Variants in OSBPL1A observed in about 807,000 individuals in gnomAD.
OSBPL1A encodes oxysterol binding protein like 1A.
A neutral mutation model predicts 137.1 loss-of-function variants in OSBPL1A; 80 were observed. That is an observed-to-expected ratio of 0.58 (90% confidence interval 0.49 to 0.70). The LOEUF is 0.70. Among genes scored for constraint, OSBPL1A ranks in the 30% least tolerant of loss-of-function variants. The pLI, the probability that OSBPL1A is intolerant of heterozygous loss-of-function variation, is 0.00. For missense variants in OSBPL1A, 970 were observed against 1,129.4 expected, an observed-to-expected ratio of 0.86 and a Z score of 2.02; for synonymous variants, 365 against 389.7, an observed-to-expected ratio of 0.94 and a Z score of 0.75.
At chr18:24,266,083 C>T (rs1285320508) in intron 15 of OSBPL1A, among the ~76,000 whole-genome samples, 1 of 152,200 alleles carries the variant, frequency 6.6e-6, no homozygotes, top group African/African-American at 2.4e-5. Context: ...GTTAACGACT[C>T]CGTGTTAGAC....
intron 3 of OSBPL1A, 77 bp downstream of exon 3, chr18:24,368,210 T>G (rs1905310863): frequency 8.4e-7 from 1 of 1,189,300 alleles, no homozygotes; most frequent in Admixed American, 2.0e-5. Flanking sequence ...CAGGTGGCTT[T>G]TCTAAGACTT....
intron 16 of OSBPL1A, among the ~76,000 whole-genome samples, chr18:24,234,441 GA>G (rs1353480524): frequency 2.6e-5 from 4 of 152,070 alleles, no homozygotes; most frequent in Non-Finnish European, 4.4e-5. Context: ...AATTTGTGGG[GA>G]AAAAAATCTG....
At chr18:24,202,052 C>A (rs1413080926) in intron 17 of OSBPL1A, among the ~76,000 whole-genome samples, 4 of 152,126 alleles carry the variant, frequency 2.6e-5, no homozygotes, top group Non-Finnish European at 5.9e-5. Flanking sequence ...CACATGAGCT[C>A]TTCTGGGTCT....
chr18:24,245,854 C>T (rs1159081141), intron 15 of OSBPL1A, among the ~76,000 whole-genome samples: 1 of 152,138 alleles, frequency 6.6e-6, no homozygotes, highest in African/African-American at 2.4e-5. Context: ...AATTGATTTC[C>T]CTATGCTCCT....
chr18:24,377,613 G>C (rs1599732954), intron 1 of OSBPL1A, 78 bp from the exon 2 acceptor site: 1 of 1,370,876 alleles, frequency 7.3e-7, no homozygotes, highest in East Asian at 2.5e-5. Context: ...AATACAGAAA[G>C]GGGAAAGAAT....
At chr18:24,373,148 A>G (rs951897708) in intron 2 of OSBPL1A, among the ~76,000 whole-genome samples, 13 of 152,232 alleles carry the variant, frequency 8.5e-5, no homozygotes, top group Admixed American at 6.5e-5. Flanking sequence ...ACTTATAGGT[A>G]TCTTTAACTA....
chr18:24,202,821 T>C (rs1022103171), intron 17 of OSBPL1A, among the ~76,000 whole-genome samples: 3 of 152,244 alleles, frequency 2.0e-5, no homozygotes, highest in African/African-American at 7.2e-5. Flanking sequence ...TCACAACGCT[T>C]GGTAATCTTG....
chr18:24,266,407 T>C (rs1332208969), intron 15 of OSBPL1A, among the ~76,000 whole-genome samples: 2 of 151,970 alleles, frequency 1.3e-5, no homozygotes, highest in African/African-American at 2.4e-5. Flanking sequence ...GGGAGATGAA[T>C]ATGTTGAGCA....
chr18:24,221,725 T>C (rs2087899255), intron 17 of OSBPL1A, among the ~76,000 whole-genome samples: 1 of 152,260 alleles, frequency 6.6e-6, no homozygotes, highest in South Asian at 2.1e-4. Context: ...TCTGCTATGC[T>C]AGCTCTATTA....
At chr18:24,367,028 A>G in intron 3 of OSBPL1A, 62 bp from the exon 4 acceptor site, 1 of 1,421,386 alleles carries the variant, frequency 7.0e-7, no homozygotes, top group Non-Finnish European at 9.6e-7. Context: ...ATTCCTTCAA[A>G]ATATATTAAG....
intron 21 of OSBPL1A, among the ~76,000 whole-genome samples, chr18:24,174,406 G>T (rs146409028): frequency 2.0e-5 from 3 of 152,298 alleles, no homozygotes; most frequent in African/African-American, 7.2e-5. Context: ...ATGCTCCAAA[G>T]TCTGAAACTT....
At chr18:24,164,631 T>C (rs1273512780) in intron 27 of OSBPL1A, among the ~76,000 whole-genome samples, 2 of 152,042 alleles carry the variant, frequency 1.3e-5, no homozygotes, top group East Asian at 1.9e-4. Context: ...GGTTTCACCA[T>C]GTTAGCCAGG....
intron 18 of OSBPL1A, among the ~76,000 whole-genome samples, chr18:24,184,761 T>C (rs1187055770): frequency 6.6e-6 from 1 of 152,116 alleles, no homozygotes; most frequent in Non-Finnish European, 1.5e-5. Context: ...AGGTGTGCCC[T>C]GCCCCAGATG....
At chr18:24,239,694 A>T (rs1287459335) in intron 15 of OSBPL1A, among the ~76,000 whole-genome samples, 1 of 152,200 alleles carries the variant, frequency 6.6e-6, no homozygotes, top group African/African-American at 2.4e-5. Flanking sequence ...CTTTTTAAAC[A>T]TAAAGAATAT....
chr18:24,369,829 A>T (rs1397872763), intron 2 of OSBPL1A, among the ~76,000 whole-genome samples: 2 of 152,194 alleles, frequency 1.3e-5, no homozygotes, highest in African/African-American at 4.8e-5. Flanking sequence ...AGTGAAACCT[A>T]GCTCATCCTG....
chr18:24,215,379 A>G (rs1418077152), intron 17 of OSBPL1A, among the ~76,000 whole-genome samples: 1 of 152,220 alleles, frequency 6.6e-6, no homozygotes, highest in Non-Finnish European at 1.5e-5. Flanking sequence ...AACATATCAC[A>G]TTTTATGCAA....
At chr18:24,373,932 G>GA (rs971615279) in intron 2 of OSBPL1A, among the ~76,000 whole-genome samples, 2 of 151,828 alleles carry the variant, frequency 1.3e-5, no homozygotes, top group African/African-American at 4.8e-5. Context: ...GGTGAAAATT[G>GA]AAAAAAATAT....
intron 5 of OSBPL1A, among the ~76,000 whole-genome samples, chr18:24,341,022 G>T (rs1240122496): frequency 6.6e-6 from 1 of 152,132 alleles, no homozygotes; most frequent in Non-Finnish European, 1.5e-5. Flanking sequence ...CGGCTGGGGG[G>T]TCTCACTCTG....
At chr18:24,355,159 C>T (rs2091511025) in intron 4 of OSBPL1A, among the ~76,000 whole-genome samples, 1 of 151,876 alleles carries the variant, frequency 6.6e-6, no homozygotes, top group Non-Finnish European at 1.5e-5. Flanking sequence ...ACCTCTAAGC[C>T]CTTCCATGGC....
Sources: allele counts gnomAD v4.1 joint callset (sites outside exome capture counted in the v4.1 genomes callset), GRCh38; gene constraint gnomAD v4.1.1; transcripts MANE v1.5; gene names NCBI Gene and HGNC (gene_info 2026-07-23, HGNC 2026-07-21).